Variants in ASF1A observed in about 807,000 individuals in gnomAD.
The protein encoded by ASF1A is anti-silencing function 1A histone chaperone.
Under a neutral mutation model 22.0 loss-of-function variants are expected in ASF1A, and 5 were observed. That is an observed-to-expected ratio of 0.23 (90% CI 0.12 to 0.48). The LOEUF (loss-of-function observed/expected upper bound fraction) is 0.48. ASF1A is among the 20% of genes least tolerant of loss of function. The probability of loss-of-function intolerance (pLI) is 0.99; values close to 1 mark genes in which losing one functional copy is unlikely to be tolerated. For synonymous variants in ASF1A, 97 were observed against 86.7 expected (o/e 1.12, Z -0.66); for missense variants, 137 against 240.6 (o/e 0.57, Z 2.85).
At chr6:118,896,938 A>G (rs1376191167) in intron 1 of ASF1A, among the ~76,000 whole-genome samples, 1 of 152,130 alleles carries the variant, frequency 6.6e-6, no homozygotes, top group Non-Finnish European at 1.5e-5. Flanking sequence ...CCTGGGCTTA[A>G]GCAATCCTCC....
intron 2 of ASF1A, among the ~76,000 whole-genome samples, chr6:118,903,792 G>A (rs1779978010): frequency 6.6e-6 from 1 of 152,124 alleles, no homozygotes; most frequent in South Asian, 2.1e-4. Context: ...TCGCCATGTG[G>A]CCCAGGATAA....
At chr6:118,905,585 T>G in intron 2 of ASF1A, 67 bp from the exon 3 acceptor site, 1 of 1,338,900 alleles carries the variant, frequency 7.5e-7, no homozygotes, top group Non-Finnish European at 1.0e-6. Context: ...TAACTGAAAC[T>G]CCAGTCTTGC....
chr6:118,894,323 C>G lies in ASF1A; in HGVS notation c.-91C>G. 6.6e-7 allele frequency: 1 copy of G among 1,514,702 alleles called. No homozygotes were observed. The highest frequency in any genetic ancestry group is 8.8e-7 in the Non-Finnish European group (1 of 1,133,888). 93.8% of individuals were successfully genotyped at this position (1,514,702 alleles called of 1,614,324 possible). On this transcript the variant is annotated 5_prime_UTR_variant, in exon 1 of 4. Coordinates refer to ENST00000229595, the MANE Select transcript of ASF1A (RefSeq NM_014034.3). ...GCACGACGTCTGGCCGGCGCTGGAG[C>G]GGGGGTCTGCGCTCTCCCGAGCGGC...
Position 118,907,548 on chromosome 6 carries a change from A to G in ASF1A, c.549A>G (p.Ser183=), listed in dbSNP as rs576955613. ...LLSTDALPSA[S]KGWSTSENSL... Reference sequence around the variant, plus strand: ...CAACAGATGCATTACCTTCAGCATCAAAGGGATGGTCCACATCAGAAAACT... The same window carrying G: ...CAACAGATGCATTACCTTCAGCATCGAAGGGATGGTCCACATCAGAAAACT... The change falls in exon 4 of 4, where the codon TCA becomes TCG. Residue 183 remains serine, a synonymous_variant. Transcript: ENST00000229595. 3.7e-6 allele frequency: 6 copies of G among 1,613,768 alleles called. No homozygotes were observed. In the Admixed American group the frequency reaches 1.0e-4, roughly 27 times the overall value.
At chr6:118,901,082 G>A in intron 2 of ASF1A, 1 of 494,236 alleles carries the variant, frequency 2.0e-6, no homozygotes. Flanking sequence ...TATGCTGAGA[G>A]ATGTTAATGT....
chr6:118,907,348 T>C (rs1315544966), intron 3 of ASF1A, 54 bp from the exon 4 acceptor site: 7 of 1,250,314 alleles, frequency 5.6e-6, no homozygotes, highest in African/African-American at 3.0e-5. Flanking sequence ...TATTTGTATA[T>C]GGTGATTTAA....
chr6:118,894,978 C>T (rs1779268068), intron 1 of ASF1A, among the ~76,000 whole-genome samples: 1 of 152,170 alleles, frequency 6.6e-6, no homozygotes, highest in East Asian at 1.9e-4. Context: ...GAGAATTGGG[C>T]CAGCGACCCC....
rs1027812017 is a variant in ASF1A, at chr6:118,907,684, A to G, written c.*70A>G. ...CAGAACTATTTCCCTGAAATTCCGT[A>G]AGTACATAGTCAAAACACAATGTGA... is the stretch of plus-strand genomic sequence containing the variant. On this transcript the variant is annotated 3_prime_UTR_variant, in exon 4 of 4. Transcript: ENST00000229595. The G allele has an allele frequency of 2.8e-5, 34 of 1,233,460 alleles. No individual in the cohort carries two copies. Among genetic ancestry groups the G allele is most frequent in the Non-Finnish European group, 3.9e-5 (33 of 851,642 alleles). 76.4% of individuals were successfully genotyped at this position (1,233,460 alleles called of 1,614,324 possible).
intron 1 of ASF1A, 97 bp from the exon 2 acceptor site, chr6:118,900,669 G>C: frequency 2.4e-6 from 2 of 848,758 alleles, no homozygotes; most frequent in Non-Finnish European, 4.0e-6. Flanking sequence ...CAATTTTAAA[G>C]CCAGTAAGTG....
chr6:118,896,263 AT>A (rs556715476), intron 1 of ASF1A, among the ~76,000 whole-genome samples: 7 of 149,384 alleles, frequency 4.7e-5, no homozygotes, highest in East Asian at 3.9e-4. Flanking sequence ...CCCAACAGTA[AT>A]TTTTTTTTTA....
intron 3 of ASF1A, 142 bp downstream of exon 3, chr6:118,905,970 T>A: frequency 1.7e-6 from 1 of 582,060 alleles, no homozygotes; most frequent in Non-Finnish European, 2.9e-6. Context: ...GCAAACTAAT[T>A]ATTGTTCCAT....
intron 3 of ASF1A, among the ~76,000 whole-genome samples, 166 bp downstream of exon 3, chr6:118,905,994 T>C (rs1371928299): frequency 6.6e-6 from 1 of 152,204 alleles, no homozygotes; most frequent in Non-Finnish European, 1.5e-5. Flanking sequence ...CATGGATGAC[T>C]TCAAACCCTA....
In ASF1A at chr6:118,908,349, A is replaced by G. The variant is rs1373294482; in HGVS notation, c.*735A>G. On this transcript the variant is annotated 3_prime_UTR_variant, in exon 4 of 4. Coordinates refer to ENST00000229595, the MANE Select transcript of ASF1A (RefSeq NM_014034.3). ...GTCCAGTGAATTCAAGACCAAATAC[A>G]ATATCGGGAGAAAATACAAACTCCC... 1 of 152,180 alleles carries G rather than the reference A, an allele frequency of 6.6e-6. No individual in the cohort carries two copies. The highest frequency in any genetic ancestry group is 1.5e-5 in the Non-Finnish European group (1 of 68,000). The allele number at this position is 152,180 out of a possible 1,614,324, so 9.4% of individuals were successfully genotyped here. A position where few individuals can be genotyped will look rare whatever the true frequency, so the allele number is the denominator to read the frequency against.
intron 2 of ASF1A, among the ~76,000 whole-genome samples, chr6:118,904,317 T>G (rs779338261): frequency 6.6e-6 from 1 of 152,232 alleles, no homozygotes; most frequent in South Asian, 2.1e-4. Context: ...TTATGCCTTT[T>G]TGTATCATCT....
intron 3 of ASF1A, among the ~76,000 whole-genome samples, chr6:118,906,559 T>C (rs1780191458): frequency 6.6e-6 from 1 of 152,232 alleles, no homozygotes; most frequent in Non-Finnish European, 1.5e-5. Context: ...AGTTTTATGT[T>C]TGTTTTTCCT....
At position 118,894,216 on chromosome 6, in the gene ASF1A, T is replaced by C. The variant is rs1474427390; in HGVS notation, c.-198T>C. The C allele has an allele frequency of 7.1e-6, 10 of 1,408,582 alleles. No homozygotes were observed. The highest frequency in any genetic ancestry group is 9.2e-6 in the Non-Finnish European group (10 of 1,084,632). The allele number at this position is 1,408,582 out of a possible 1,614,324, so 87.3% of individuals were successfully genotyped here. A position where few individuals can be genotyped will look rare whatever the true frequency, so the allele number is the denominator to read the frequency against. On this transcript the variant is annotated 5_prime_UTR_variant, in exon 1 of 4. Coordinates refer to ENST00000229595, the MANE Select transcript of ASF1A (RefSeq NM_014034.3). ...TATCAGAGCAGAATGGGCTGTAGTT[T>C]AGTGAAATAGGAAAGCTGCAAAACA...
chr6:118,898,511 G>A (rs1235569443), intron 1 of ASF1A, among the ~76,000 whole-genome samples: 5 of 147,580 alleles, frequency 3.4e-5, no homozygotes, highest in Admixed American at 1.4e-4. Context: ...TGCAACCTCC[G>A]CCTCCAGGGT....
Position 118,907,682 on chromosome 6 carries a change from G to C in ASF1A, c.*68G>C, listed in dbSNP as rs117626273. 6 of 1,255,060 alleles carry C rather than the reference G, an allele frequency of 4.8e-6. No homozygotes were observed. The South Asian group carries it at 6.5e-5, about 14-fold the overall frequency. 77.7% of individuals were successfully genotyped at this position (1,255,060 alleles called of 1,614,324 possible). On this transcript the variant is annotated 3_prime_UTR_variant, in exon 4 of 4. Transcript: ENST00000229595. ...CACAGAACTATTTCCCTGAAATTCC[G>C]TAAGTACATAGTCAAAACACAATGT...
At chr6:118,902,963 G>A (rs1364256957) in intron 2 of ASF1A, among the ~76,000 whole-genome samples, 1 of 152,188 alleles carries the variant, frequency 6.6e-6, no homozygotes, top group Non-Finnish European at 1.5e-5. Flanking sequence ...AGTATTGCCA[G>A]CTAGAGTCAA....
Sources: gnomAD v4.1 joint callset for allele counts (sites outside exome capture counted in the v4.1 genomes callset) on GRCh38, gnomAD v4.1.1 for gene constraint, MANE v1.5 for transcripts, NCBI Gene and HGNC (gene_info 2026-07-23, HGNC 2026-07-21) for gene names.